Variants in GRIN3A observed in about 807,000 individuals in gnomAD.
GRIN3A encodes glutamate ionotropic receptor NMDA type subunit 3A, also known as glutamate receptor ionotropic, NMDA 3A.
Under a neutral mutation model 92.4 loss-of-function variants are expected in GRIN3A, and 47 were observed. The ratio of observed to expected loss-of-function variants is 0.51; its 90% CI spans 0.40 to 0.65. GRIN3A has a LOEUF of 0.65. Among genes scored for constraint, GRIN3A ranks in the 30% least tolerant of loss-of-function variants. The pLI is 0.00. For missense variants in GRIN3A, 1,324 were observed against 1,393.1 expected (o/e 0.95, Z 0.79); for synonymous variants, 527 against 540.6 (o/e 0.97, Z 0.35).
intron 1 of GRIN3A, among the ~76,000 whole-genome samples, chr9:101,735,460 TC>T (rs1453912499): frequency 6.6e-6 from 1 of 151,824 alleles, no homozygotes; most frequent in African/African-American, 2.4e-5. Context: ...TCATGGTTTT[TC>T]TGGTCCCCTT....
At chr9:101,588,912 ATAT>A (rs1276346710) in intron 6 of GRIN3A, among the ~76,000 whole-genome samples, 1 of 151,994 alleles carries the variant, frequency 6.6e-6, no homozygotes, top group Non-Finnish European at 1.5e-5. Context: ...AATTTTTTAA[ATAT>A]TATAATTTAT....
chr9:101,719,772 T>C (rs1829989387), intron 1 of GRIN3A, among the ~76,000 whole-genome samples: 1 of 152,248 alleles, frequency 6.6e-6, no homozygotes, highest in Admixed American at 6.5e-5. Context: ...ATTTCCAGTA[T>C]TTCAACCCAC....
At chr9:101,682,930 C>T (rs572661426) in intron 2 of GRIN3A, among the ~76,000 whole-genome samples, 2 of 152,258 alleles carry the variant, frequency 1.3e-5, no homozygotes, top group African/African-American at 4.8e-5. Flanking sequence ...TGCAGTGAGC[C>T]GAGATTGCGC....
At chr9:101,721,439 C>T (rs2119028966) in intron 1 of GRIN3A, among the ~76,000 whole-genome samples, 1 of 152,160 alleles carries the variant, frequency 6.6e-6, no homozygotes, top group African/African-American at 2.4e-5. Flanking sequence ...TAAATTGGTA[C>T]CAGTAGAGTG....
chr9:101,733,384 G>A (rs1248363598), intron 1 of GRIN3A, among the ~76,000 whole-genome samples: 1 of 152,212 alleles, frequency 6.6e-6, no homozygotes, highest in Non-Finnish European at 1.5e-5. Context: ...CCAGGTCTCT[G>A]TTCTTCAAGA....
intron 6 of GRIN3A, among the ~76,000 whole-genome samples, chr9:101,588,377 C>T (rs768046952): frequency 2.0e-5 from 3 of 152,140 alleles, no homozygotes; most frequent in Admixed American, 1.3e-4. Context: ...ACAGCACTCT[C>T]TGCATTCCTC....
intron 3 of GRIN3A, among the ~76,000 whole-genome samples, chr9:101,649,859 C>A (rs1004511384): frequency 6.6e-6 from 1 of 152,042 alleles, no homozygotes; most frequent in African/African-American, 2.4e-5. Flanking sequence ...CGACCCTTGT[C>A]TCTGGAACAA....
At chr9:101,678,467 C>A (rs990780070) in intron 2 of GRIN3A, among the ~76,000 whole-genome samples, 3 of 152,088 alleles carry the variant, frequency 2.0e-5, no homozygotes, top group African/African-American at 7.2e-5. Context: ...ATTATGTCAT[C>A]TTTTAAAATT....
chr9:101,582,155 C>G (rs1299956660), intron 6 of GRIN3A, among the ~76,000 whole-genome samples: 1 of 152,212 alleles, frequency 6.6e-6, no homozygotes, highest in African/African-American at 2.4e-5. Flanking sequence ...CCCCACCTCT[C>G]TCCACCTCTA....
At chr9:101,710,077 G>A (rs1440527062) in intron 1 of GRIN3A, among the ~76,000 whole-genome samples, 1 of 152,088 alleles carries the variant, frequency 6.6e-6, no homozygotes, top group African/African-American at 2.4e-5. Context: ...AGTGATTTTG[G>A]GGTCCGGGAG....
chr9:101,610,694 G>A (rs1375199931), intron 6 of GRIN3A, among the ~76,000 whole-genome samples: 2 of 151,682 alleles, frequency 1.3e-5, no homozygotes, highest in Admixed American at 6.6e-5. Flanking sequence ...GTTCCCTAGG[G>A]CTGATGTAAC....
intron 1 of GRIN3A, among the ~76,000 whole-genome samples, chr9:101,714,658 C>G (rs1054224252): frequency 6.6e-6 from 1 of 151,992 alleles, no homozygotes; most frequent in African/African-American, 2.4e-5. Flanking sequence ...AAGAATTATG[C>G]CCCTAAGAAA....
chr9:101,589,100 A>C (rs1827988296), intron 6 of GRIN3A, among the ~76,000 whole-genome samples: 1 of 151,992 alleles, frequency 6.6e-6, no homozygotes, highest in African/African-American at 2.4e-5. Flanking sequence ...CCTCCCAAGT[A>C]GCTGGGACTA....
chr9:101,732,568 A>G (rs1425601249), intron 1 of GRIN3A, among the ~76,000 whole-genome samples: 1 of 151,970 alleles, frequency 6.6e-6, no homozygotes, highest in South Asian at 2.1e-4. Flanking sequence ...TTGTTTGTTT[A>G]TTTCTAAGCC....
At chr9:101,589,389 A>G (rs1214655833) in intron 6 of GRIN3A, among the ~76,000 whole-genome samples, 1 of 152,240 alleles carries the variant, frequency 6.6e-6, no homozygotes, top group Non-Finnish European at 1.5e-5. Context: ...ATGACCCATA[A>G]AAAGGGTGAA....
At chr9:101,712,240 C>T (rs1269303301) in intron 1 of GRIN3A, among the ~76,000 whole-genome samples, 4 of 152,166 alleles carry the variant, frequency 2.6e-5, no homozygotes, top group Admixed American at 6.5e-5. Context: ...CTGACTAAGT[C>T]TCACCAATAC....
At chr9:101,655,810 G>C (rs1022561612) in intron 3 of GRIN3A, among the ~76,000 whole-genome samples, 6 of 151,926 alleles carry the variant, frequency 3.9e-5, no homozygotes, top group African/African-American at 1.4e-4. Context: ...TGTCATATTA[G>C]TGAAGCAAAA....
intron 3 of GRIN3A, among the ~76,000 whole-genome samples, chr9:101,648,145 C>T (rs1222693348): frequency 6.6e-6 from 1 of 151,864 alleles, no homozygotes; most frequent in Non-Finnish European, 1.5e-5. Context: ...AATCCCATAG[C>T]TTTTGATGTG....
chr9:101,672,558 T>G (rs1829341892), intron 2 of GRIN3A, among the ~76,000 whole-genome samples: 1 of 152,102 alleles, frequency 6.6e-6, no homozygotes. Context: ...GCAAAACATA[T>G]TCACCCATTG....
Sources: allele counts gnomAD v4.1 joint callset (sites outside exome capture counted in the v4.1 genomes callset), GRCh38; gene constraint gnomAD v4.1.1; transcripts MANE v1.5; gene names NCBI Gene and HGNC (gene_info 2026-07-23, HGNC 2026-07-21).